Variants in NAALADL2 observed in about 807,000 individuals in gnomAD.
NAALADL2 encodes N-acetylated alpha-linked acidic dipeptidase like 2, also known as inactive N-acetylated-alpha-linked acidic dipeptidase-like protein 2.
NAALADL2 carries 76 observed loss-of-function variants against 87.2 expected under a neutral mutation model. The observed-to-expected ratio is 0.87, with a 90% CI of 0.72 to 1.05. NAALADL2 has a LOEUF of 1.05. NAALADL2 is among the 50% of genes least tolerant of loss of function. NAALADL2 has a pLI of 0.00. For missense variants in NAALADL2, 1,089 were observed against 945.8 expected (o/e 1.15, Z -1.99); for synonymous variants, 354 against 331.0 (o/e 1.07, Z -0.75).
chr3:175,787,014 T>C (rs1437770986), intron 13 of NAALADL2, among the ~76,000 whole-genome samples: 4 of 152,020 alleles, frequency 2.6e-5, no homozygotes, highest in African/African-American at 9.6e-5. Flanking sequence ...GCCTCCCAGT[T>C]AGGCTGCTTG....
intron 1 of NAALADL2, among the ~76,000 whole-genome samples, chr3:174,467,517 C>G (rs535841991): frequency 1.4e-5 from 2 of 147,700 alleles, no homozygotes; most frequent in East Asian, 4.0e-4. Flanking sequence ...TGCTTGAACC[C>G]GGGAGGCAGA....
In NAALADL2 at chr3:175,733,835, T is replaced by C. The variant is rs561350322; in HGVS notation, c.1897-3471T>C. The stretch of plus-strand genomic sequence containing the variant: ...TGACCAAAATACAGGGGCTACAGGC[T>C]CCATGCAAGTCCAAAATCCAGCAGG... On this transcript the variant is annotated intron_variant, in intron 11 of 13. Transcript: ENST00000454872. Among the ~76,000 whole-genome samples, 8 of 152,316 alleles carry C rather than the reference T, an allele frequency of 5.3e-5. No homozygotes were observed. The South Asian group carries it at 1.5e-3, about 28-fold the overall frequency.
At chr3:175,694,831 A>G (rs1737529495) in intron 11 of NAALADL2, among the ~76,000 whole-genome samples, 2 of 152,202 alleles carry the variant, frequency 1.3e-5, no homozygotes, top group Non-Finnish European at 1.5e-5. Flanking sequence ...TCAGATTTTT[A>G]AGAATATGGA....
At chr3:175,709,405 A>G (rs915218267) in intron 11 of NAALADL2, among the ~76,000 whole-genome samples, 1 of 152,130 alleles carries the variant, frequency 6.6e-6, no homozygotes, top group Non-Finnish European at 1.5e-5. Context: ...ATTACAAAGT[A>G]TCCTAGTTAG....
At chr3:175,139,317 A>T (rs1729637841) in intron 2 of NAALADL2, among the ~76,000 whole-genome samples, 2 of 152,068 alleles carry the variant, frequency 1.3e-5, no homozygotes, top group Admixed American at 1.3e-4. Flanking sequence ...ATACCTGAAA[A>T]AGTGATTCAT....
intron 1 of NAALADL2, among the ~76,000 whole-genome samples, chr3:174,949,274 T>G (rs575599901): frequency 1.3e-5 from 2 of 152,036 alleles, no homozygotes; most frequent in South Asian, 4.2e-4. Context: ...CCCAGTAGGG[T>G]TTCAGGTGCA....
rs545762132 is a variant in NAALADL2 at position 174,663,978 on chromosome 3, G to A, written c.-114-73663G>A. Among the ~76,000 whole-genome samples, 7 of 151,862 alleles carry A rather than the reference G, an allele frequency of 4.6e-5. No individual in the cohort carries two copies. The South Asian group carries it at 1.0e-3, about 23-fold the overall frequency. ...AATTTTTGTATTTTTAGTAGAGAGGGGGGTTTCACCATGTTGGTCAGGCTG... is the reference window on the plus strand; with the variant it reads ...AATTTTTGTATTTTTAGTAGAGAGGAGGGTTTCACCATGTTGGTCAGGCTG... On this transcript the variant is annotated intron_variant, in intron 2 of 3. Coordinates refer to the NAALADL2 transcript ENST00000434257.
chr3:175,787,284 G>A (rs1377835921), intron 13 of NAALADL2, among the ~76,000 whole-genome samples: 2 of 152,190 alleles, frequency 1.3e-5, no homozygotes, highest in South Asian at 2.1e-4. Context: ...ATCAAGCCTG[G>A]GCAATGGCGG....
At chr3:174,824,025 C>T (rs1458773660) in intron 3 of NAALADL2, among the ~76,000 whole-genome samples, 2 of 152,086 alleles carry the variant, frequency 1.3e-5, no homozygotes, top group Non-Finnish European at 2.9e-5. Context: ...TTTTTAACAC[C>T]TCCTATTATT....
intron 2 of NAALADL2, among the ~76,000 whole-genome samples, chr3:174,644,155 T>G (rs1370933993): frequency 1.3e-5 from 2 of 152,224 alleles, no homozygotes; most frequent in Non-Finnish European, 2.9e-5. Flanking sequence ...GATATTGGTA[T>G]GGGTTAGACA....
At chr3:174,850,927 T>C (rs1355497455) in intron 3 of NAALADL2, among the ~76,000 whole-genome samples, 1 of 152,018 alleles carries the variant, frequency 6.6e-6, no homozygotes, top group African/African-American at 2.4e-5. Context: ...CTGACTACAG[T>C]GGAATAAAAC....
At chr3:174,806,264 A>G (rs530390629) in intron 3 of NAALADL2, among the ~76,000 whole-genome samples, 89 of 152,328 alleles carry the variant, frequency 5.8e-4, no homozygotes, top group African/African-American at 2.1e-3. Flanking sequence ...GGAAAAGTCA[A>G]ACTCCTCTAC....
intron 1 of NAALADL2, among the ~76,000 whole-genome samples, chr3:174,476,456 T>C (rs1192613571): frequency 6.6e-6 from 1 of 152,038 alleles, no homozygotes; most frequent in African/African-American, 2.4e-5. Flanking sequence ...CTCTCTTTTC[T>C]TTAGTTTTCT....
intron 2 of NAALADL2, among the ~76,000 whole-genome samples, chr3:174,729,963 C>G (rs553304861): frequency 6.6e-6 from 1 of 152,008 alleles, no homozygotes; most frequent in African/African-American, 2.4e-5. Context: ...AGGCTCTTGT[C>G]TAATTTTAAA....
chr3:174,699,763 T>G (rs1222580559), intron 2 of NAALADL2, among the ~76,000 whole-genome samples: 2 of 152,088 alleles, frequency 1.3e-5, no homozygotes, highest in Non-Finnish European at 2.9e-5. Flanking sequence ...TTGTGGTGTT[T>G]CTAAGCATTA....
chr3:174,471,921 A>C (rs1716932908), intron 1 of NAALADL2, among the ~76,000 whole-genome samples: 1 of 152,192 alleles, frequency 6.6e-6, no homozygotes, highest in Non-Finnish European at 1.5e-5. Context: ...CCTTTTAATG[A>C]ACTGATGATA....
intron 2 of NAALADL2, among the ~76,000 whole-genome samples, chr3:175,120,352 C>T (rs1725969010): frequency 1.3e-5 from 2 of 151,648 alleles, no homozygotes; most frequent in South Asian, 4.1e-4. Flanking sequence ...AAAACAAATC[C>T]TCTAAAAGGT....
intron 11 of NAALADL2, among the ~76,000 whole-genome samples, chr3:175,667,231 GAAAGAAAGAAAAAGAA>G (rs1733245282): frequency 3.4e-5 from 4 of 116,712 alleles, no homozygotes; most frequent in Non-Finnish European, 6.7e-5. Flanking sequence ...AAGAAAGAAA[GAAAGAAAGAAAAAGAA>G]AGAAAGAAAG....
intron 5 of NAALADL2, among the ~76,000 whole-genome samples, chr3:175,333,635 T>A (rs1288627568): frequency 6.6e-6 from 1 of 151,978 alleles, no homozygotes; most frequent in Non-Finnish European, 1.5e-5. Context: ...ATCATGGAGA[T>A]AGAGAGTAGA....
Sources: allele counts gnomAD v4.1 joint callset (sites outside exome capture counted in the v4.1 genomes callset), GRCh38; gene constraint gnomAD v4.1.1; transcripts MANE v1.5; gene names NCBI Gene and HGNC (gene_info 2026-07-23, HGNC 2026-07-21).